HIP1: variants seen among roughly 807,000 people sequenced by gnomAD.
HIP1 encodes huntingtin interacting protein 1.
In HIP1, 65 loss-of-function variants were observed where a neutral mutation model predicts 147.6. That is an observed-to-expected ratio of 0.44 (90% CI 0.36 to 0.54). HIP1 has a LOEUF of 0.54. Among genes scored for constraint, HIP1 ranks in the 20% least tolerant of loss-of-function variants. HIP1 has a pLI of 0.00. For missense variants in HIP1, 1,061 were observed against 1,299.6 expected, an observed-to-expected ratio of 0.82 and a Z score of 2.82; for synonymous variants, 479 against 504.0, an observed-to-expected ratio of 0.95 and a Z score of 0.67.
In HIP1 at chr7:75,738,881, G is replaced by C; in HGVS notation, c.40C>G (p.Pro14Ala). Residue 14 changes from proline (P) to alanine (A), a missense_variant, in exon 1 of 31, where the codon CCA becomes GCA. Physicochemically the swap from Pro to Ala is conservative, Grantham distance 27 (BLOSUM62 -1). This residue lies in a region of HIP1 where 225 missense variants were observed against 292.9 expected (regional missense o/e 0.77). Transcript: ENST00000336926. Reference sequence around the variant, plus strand: ...CGCCGGCTCAGCACCTTGGGCAGTGGGTTGGGCACCTGCTTCATGGAGCTG... The same window carrying C: ...CGCCGGCTCAGCACCTTGGGCAGTGCGTTGGGCACCTGCTTCATGGAGCTG... The part of the protein sequence containing the change: ...MASSMKQVPN[P>A]LPKVLSRRGV... 1 of 1,570,646 alleles carries C rather than the reference G, an allele frequency of 6.4e-7. No individual in the cohort carries two copies. Among genetic ancestry groups the C allele is most frequent in the Non-Finnish European group, 8.6e-7 (1 of 1,159,964 alleles).
intron 1 of HIP1, among the ~76,000 whole-genome samples, chr7:75,737,114 CG>C (rs1490815247): frequency 6.6e-6 from 1 of 151,988 alleles, no homozygotes; most frequent in Non-Finnish European, 1.5e-5. Flanking sequence ...AAAATAGAGG[CG>C]GGATCTCAGT....
At chr7:75,663,249 C>A (rs1426749296) in intron 1 of HIP1, among the ~76,000 whole-genome samples, 2 of 152,162 alleles carry the variant, frequency 1.3e-5, no homozygotes, top group African/African-American at 4.8e-5. Context: ...TCTTTGCTCT[C>A]CAGATGTCTG....
intron 1 of HIP1, among the ~76,000 whole-genome samples, chr7:75,632,512 C>T (rs1018962666): frequency 5.3e-5 from 8 of 151,658 alleles, no homozygotes; most frequent in African/African-American, 7.3e-5. Flanking sequence ...CTCAGCCTCC[C>T]GAGTAGCTGA....
intron 1 of HIP1, among the ~76,000 whole-genome samples, chr7:75,676,035 C>T (rs546251001): frequency 2.0e-5 from 3 of 152,176 alleles, no homozygotes; most frequent in East Asian, 1.9e-4. Flanking sequence ...TGTTCAAAAC[C>T]GGACATTTCA....
At chr7:75,644,388 A>G (rs1486166340) in intron 1 of HIP1, among the ~76,000 whole-genome samples, 2 of 152,074 alleles carry the variant, frequency 1.3e-5, no homozygotes, top group East Asian at 1.9e-4. Flanking sequence ...TCCGCCTCCC[A>G]GGTTCAAGCG....
At chr7:75,539,701 T>A (rs587688224) in intron 29 of HIP1, among the ~76,000 whole-genome samples, 58 of 152,334 alleles carry the variant, frequency 3.8e-4, no homozygotes, top group East Asian at 3.1e-3. Context: ...TTTCCATACT[T>A]TATCTGGCCC....
intron 1 of HIP1, among the ~76,000 whole-genome samples, chr7:75,702,605 G>A (rs192204027): frequency 2.0e-4 from 31 of 152,326 alleles, no homozygotes; most frequent in Admixed American, 7.2e-4. Flanking sequence ...GGTTGCACAA[G>A]AAGCATGGTG....
intron 14 of HIP1, among the ~76,000 whole-genome samples, chr7:75,559,050 G>A (rs1379693635): frequency 1.3e-5 from 2 of 152,196 alleles, no homozygotes; most frequent in Non-Finnish European, 2.9e-5. Flanking sequence ...AATCAAGCCA[G>A]GGATTCATGC....
intron 1 of HIP1, among the ~76,000 whole-genome samples, chr7:75,720,046 T>C (rs1159375279): frequency 6.6e-6 from 1 of 152,202 alleles, no homozygotes; most frequent in East Asian, 1.9e-4. Context: ...GCTCAGTGCA[T>C]GAAGCTGGTG....
At chr7:75,543,423 C>T (rs1490225259) in intron 27 of HIP1, among the ~76,000 whole-genome samples, 28 of 152,210 alleles carry the variant, frequency 1.8e-4, no homozygotes, top group Admixed American at 1.8e-3. Context: ...ATGATCTTAG[C>T]TCACTGCAAC....
intron 29 of HIP1, among the ~76,000 whole-genome samples, chr7:75,539,696 A>G (rs1342960616): frequency 6.6e-6 from 1 of 152,068 alleles, no homozygotes; most frequent in Non-Finnish European, 1.5e-5. Flanking sequence ...CACCGTTTCC[A>G]TACTTTATCT....
At chr7:75,639,523 G>A (rs1203852897) in intron 1 of HIP1, among the ~76,000 whole-genome samples, 1 of 151,858 alleles carries the variant, frequency 6.6e-6, no homozygotes, top group Non-Finnish European at 1.5e-5. Context: ...GGCGGGGATC[G>A]CCGATCCCGG....
intron 1 of HIP1, among the ~76,000 whole-genome samples, chr7:75,604,096 C>T (rs1460170306): frequency 7.0e-6 from 1 of 143,028 alleles, no homozygotes; most frequent in Non-Finnish European, 1.5e-5. Context: ...CTATGTTCTT[C>T]CCCTGGCACC....
At chr7:75,581,826 T>A (rs1449965734) in intron 6 of HIP1, among the ~76,000 whole-genome samples, 3 of 151,860 alleles carry the variant, frequency 2.0e-5, no homozygotes, top group Non-Finnish European at 4.4e-5. Flanking sequence ...AGAGGATAGG[T>A]ACCAGTGTTG....
intron 9 of HIP1, among the ~76,000 whole-genome samples, chr7:75,566,586 C>T (rs1162847193): frequency 2.0e-5 from 3 of 151,528 alleles, no homozygotes; most frequent in Non-Finnish European, 4.4e-5. Flanking sequence ...TGTCACTGCA[C>T]ACTGGTAGGT....
At position 75,712,359 on chromosome 7, in the gene HIP1, G is replaced by T. The variant is rs184985295; in HGVS notation, c.120+26442C>A. Among the ~76,000 whole-genome samples the T allele has an allele frequency of 1.1e-3, 168 of 152,240 alleles. 1 individual carries two copies. The highest frequency in any genetic ancestry group is 3.9e-3 in the African/African-American group (164 of 41,556). On this transcript the variant is annotated intron_variant, in intron 1 of 30. Transcript: ENST00000336926. ...AGGAGAGAGGCCAGGAGTGTTCCAGGCACTGACAAACAGCTTTAAAACTTG... is the reference window on the plus strand; with the variant it reads ...AGGAGAGAGGCCAGGAGTGTTCCAGTCACTGACAAACAGCTTTAAAACTTG...
chr7:75,666,563 C>T lies in HIP1; in HGVS notation c.121-67316G>A, dbSNP rs369137371. On this transcript the variant is annotated intron_variant, in intron 1 of 30. Coordinates refer to ENST00000336926, the MANE Select transcript of HIP1 (RefSeq NM_005338.7). ...GAAGGCTGTGGGTCAATAGCGACACCGATATTCTCCACTGCGTGGTCTTCT... is the reference window on the plus strand; with the variant it reads ...GAAGGCTGTGGGTCAATAGCGACACTGATATTCTCCACTGCGTGGTCTTCT... Among the ~76,000 whole-genome samples, 20 of 152,226 alleles carry T rather than the reference C, an allele frequency of 1.3e-4. No individual in the cohort carries two copies. The East Asian group carries it at 3.9e-3, about 29-fold the overall frequency.
At position 75,734,701 on chromosome 7, in the gene HIP1, C is replaced by T. The variant is rs558990754; in HGVS notation, c.120+4100G>A. Among the ~76,000 whole-genome samples the T allele has an allele frequency of 1.1e-4, 16 of 152,176 alleles. 1 individual carries two copies. The South Asian group carries it at 3.3e-3, about 32-fold the overall frequency. On this transcript the variant is annotated intron_variant, in intron 1 of 30. Transcript: ENST00000336926. The stretch of plus-strand genomic sequence containing the variant: ...GCTATAGTTCAGAGGAGGGAGTGGC[C>T]AATTTTGCCTCTCTGTCTACCCCAG...
intron 1 of HIP1, among the ~76,000 whole-genome samples, chr7:75,650,448 G>GTTTTTTTTTTTTT: frequency 8.7e-6 from 1 of 115,488 alleles, no homozygotes; most frequent in African/African-American, 3.4e-5. Context: ...TCTCTGCCCA[G>GTTTTTTTTTTTTT]TTATCTTTTT....
Sources: allele counts gnomAD v4.1 joint callset (sites outside exome capture counted in the v4.1 genomes callset), GRCh38; gene constraint gnomAD v4.1.1; regional missense constraint gnomAD v4.1.1; transcripts MANE v1.5; gene names NCBI Gene and HGNC (gene_info 2026-07-23, HGNC 2026-07-21).